Variants in CDH20 observed in about 807,000 individuals in gnomAD.
CDH20 encodes the protein cadherin 20.
In CDH20, 29 loss-of-function variants were observed where a neutral mutation model predicts 74.2. The ratio of observed to expected loss-of-function variants is 0.39; its 90% CI spans 0.29 to 0.53. The LOEUF (loss-of-function observed/expected upper bound fraction) is 0.53, where lower values mean the gene tolerates loss of function less well. CDH20 is among the 20% of genes least tolerant of loss of function. The pLI, the probability that CDH20 is intolerant of heterozygous loss-of-function variation, is 0.69. For missense variants in CDH20, 988 were observed against 1,048.3 expected (o/e 0.94, Z 0.79); for synonymous variants, 469 against 405.4 (o/e 1.16, Z -1.88).
At chr18:61,510,038 G>T (rs1298966261) in intron 6 of CDH20, among the ~76,000 whole-genome samples, 2 of 152,148 alleles carry the variant, frequency 1.3e-5, no homozygotes, top group Non-Finnish European at 2.9e-5. Flanking sequence ...CATTTCTAGA[G>T]TCTATTAGAC....
intron 1 of CDH20, among the ~76,000 whole-genome samples, chr18:61,415,929 A>T (rs947390535): frequency 6.6e-6 from 1 of 152,130 alleles, no homozygotes; most frequent in Non-Finnish European, 1.5e-5. Flanking sequence ...AATTTAGGGA[A>T]TTCCATGATT....
At chr18:61,352,646 A>G (rs1225145808) in intron 1 of CDH20, among the ~76,000 whole-genome samples, 1 of 152,200 alleles carries the variant, frequency 6.6e-6, no homozygotes, top group African/African-American at 2.4e-5. Context: ...ATAAATAATA[A>G]TTACCTTAGT....
At chr18:61,405,213 C>T in intron 1 of CDH20, 1 of 421,442 alleles carries the variant, frequency 2.4e-6, no homozygotes, top group Non-Finnish European at 4.5e-6. Flanking sequence ...CATCTTTCTG[C>T]CTTAGGTGTG....
At chr18:61,460,538 TACTC>T (rs1477968743) in intron 1 of CDH20, among the ~76,000 whole-genome samples, 2 of 152,154 alleles carry the variant, frequency 1.3e-5, no homozygotes, top group Non-Finnish European at 1.5e-5. Flanking sequence ...AGGCTGTACT[TACTC>T]AGCTAATCAC....
intron 1 of CDH20, among the ~76,000 whole-genome samples, chr18:61,468,900 C>G (rs561828107): frequency 2.0e-5 from 3 of 152,248 alleles, no homozygotes; most frequent in African/African-American, 7.2e-5. Flanking sequence ...ATTTGTTTCC[C>G]CATTTCTTGA....
At chr18:61,372,630 G>T (rs1911082239) in intron 1 of CDH20, among the ~76,000 whole-genome samples, 1 of 152,170 alleles carries the variant, frequency 6.6e-6, no homozygotes, top group Non-Finnish European at 1.5e-5. Context: ...AAAATCAAAA[G>T]AAGAGTATTC....
intron 1 of CDH20, among the ~76,000 whole-genome samples, chr18:61,430,724 T>C (rs924233677): frequency 6.6e-6 from 1 of 152,230 alleles, no homozygotes; most frequent in South Asian, 2.1e-4. Flanking sequence ...TTGTTCAAAT[T>C]GTTCCAGCTT....
At chr18:61,407,088 C>A (rs1409790317) in intron 1 of CDH20, among the ~76,000 whole-genome samples, 1 of 152,198 alleles carries the variant, frequency 6.6e-6, no homozygotes, top group Non-Finnish European at 1.5e-5. Context: ...TCACACACAG[C>A]TCTTCCTAAA....
intron 1 of CDH20, among the ~76,000 whole-genome samples, chr18:61,405,790 C>G (rs756263208): frequency 6.6e-6 from 1 of 152,158 alleles, no homozygotes; most frequent in Non-Finnish European, 1.5e-5. Flanking sequence ...TGAGGCCCAG[C>G]AGCCTGTGTT....
intron 1 of CDH20, among the ~76,000 whole-genome samples, chr18:61,488,145 C>T (rs985076725): frequency 8.6e-5 from 13 of 151,794 alleles, no homozygotes; most frequent in Middle Eastern, 3.4e-3. Flanking sequence ...CAACGCAATC[C>T]GCAAAATAAT....
At chr18:61,535,522 T>C (rs1163538003) in intron 7 of CDH20, among the ~76,000 whole-genome samples, 2 of 152,086 alleles carry the variant, frequency 1.3e-5, no homozygotes, top group African/African-American at 4.8e-5. Context: ...ACAGGTGAGA[T>C]AACACAACAG....
intron 1 of CDH20, among the ~76,000 whole-genome samples, chr18:61,335,345 G>C (rs945248821): frequency 9.9e-5 from 15 of 152,216 alleles, no homozygotes; most frequent in Non-Finnish European, 2.9e-5. Context: ...ACCCTGTTCA[G>C]ATGTTGCCCA....
chr18:61,462,170 G>T (rs902491676), intron 1 of CDH20, among the ~76,000 whole-genome samples: 1 of 152,062 alleles, frequency 6.6e-6, no homozygotes, highest in Non-Finnish European at 1.5e-5. Context: ...TGCTAAGACA[G>T]TAAATTTCAA....
intron 1 of CDH20, among the ~76,000 whole-genome samples, chr18:61,419,314 G>A (rs1392190340): frequency 1.3e-5 from 2 of 152,148 alleles, no homozygotes; most frequent in Non-Finnish European, 2.9e-5. Flanking sequence ...CAATCCTACT[G>A]CCTCAGCCTC....
rs4941020 is a variant in CDH20 at position 61,497,103 on chromosome 18, G to A, written c.247-2083G>A. Among the ~76,000 whole-genome samples, 71 of 137,448 alleles carry A rather than the reference G, an allele frequency of 5.2e-4. 1 individual carries two copies. The highest frequency in any genetic ancestry group is 9.9e-4 in the African/African-American group (37 of 37,488). 90.2% of individuals were successfully genotyped at this position (137,448 alleles called of 152,430 possible). A position where few individuals can be genotyped will look rare whatever the true frequency, so the allele number is the denominator to read the frequency against. ...AGATTTGGATTGTAAAAAAAAAAAA[G>A]AAAGAAAGAAAGAAAGAAAGAAAAA... is the stretch of plus-strand genomic sequence containing the variant. On this transcript the variant is annotated intron_variant, in intron 2 of 11. Coordinates refer to ENST00000262717, the MANE Select transcript of CDH20 (RefSeq NM_031891.4).
At chr18:61,542,549 TA>T (rs1421809249) in intron 9 of CDH20, among the ~76,000 whole-genome samples, 30 of 152,312 alleles carry the variant, frequency 2.0e-4, no homozygotes, top group Admixed American at 1.7e-3. Flanking sequence ...TGAGATGGGA[TA>T]GCCAGACCCG....
chr18:61,371,823 C>T (rs1340841262), intron 1 of CDH20, among the ~76,000 whole-genome samples: 2 of 151,982 alleles, frequency 1.3e-5, no homozygotes, highest in Non-Finnish European at 2.9e-5. Context: ...AAAATACATG[C>T]CGCACTGCAA....
At chr18:61,398,161 G>T (rs1029139186) in intron 1 of CDH20, among the ~76,000 whole-genome samples, 9 of 152,182 alleles carry the variant, frequency 5.9e-5, no homozygotes, top group Admixed American at 2.6e-4. Context: ...GCTGTTTACA[G>T]GTTGCAATGA....
intron 7 of CDH20, among the ~76,000 whole-genome samples, chr18:61,530,653 C>T (rs147017382): frequency 2.6e-5 from 4 of 152,182 alleles, no homozygotes; most frequent in African/African-American, 9.6e-5. Flanking sequence ...TTTATAATCC[C>T]CAAAACAAAA....
Sources: allele counts gnomAD v4.1 joint callset (sites outside exome capture counted in the v4.1 genomes callset), GRCh38; gene constraint gnomAD v4.1.1; transcripts MANE v1.5; gene names NCBI Gene and HGNC (gene_info 2026-07-23, HGNC 2026-07-21).